SSBP3: variants seen among roughly 807,000 people sequenced by gnomAD.
The protein encoded by SSBP3 is single-stranded DNA-binding protein 3.
In SSBP3, 5 loss-of-function variants were observed where a neutral mutation model predicts 69.6. The ratio of observed to expected loss-of-function variants is 0.07; its 90% CI spans 0.04 to 0.15. The LOEUF (loss-of-function observed/expected upper bound fraction) is 0.15. Among genes scored for constraint, SSBP3 ranks in the 10% least tolerant of loss-of-function variants. The pLI is 1.00. For missense variants in SSBP3, 312 were observed against 534.0 expected (o/e 0.58, Z 4.10); for synonymous variants, 196 against 193.4 (o/e 1.01, Z -0.11).
chr1:54,244,457 G>A (rs1466935446), intron 9 of SSBP3, among the ~76,000 whole-genome samples: 2 of 151,370 alleles, frequency 1.3e-5, no homozygotes, highest in Non-Finnish European at 3.0e-5. Context: ...TCATTGCCCA[G>A]GCTGGTCTCG....
chr1:54,338,588 C>T (rs774190968), intron 4 of SSBP3, among the ~76,000 whole-genome samples: 1 of 152,172 alleles, frequency 6.6e-6, no homozygotes, highest in African/African-American at 2.4e-5. Flanking sequence ...TTTGCCTTTA[C>T]GGCAATATAT....
intron 1 of SSBP3, chr1:54,412,604 C>G (rs1650020427): frequency 6.6e-6 from 1 of 152,176 alleles, no homozygotes; most frequent in African/African-American, 2.4e-5. Context: ...TGAAAAAGAT[C>G]TGGAAATGGA....
chr1:54,231,597 C>G (rs766841899), intron 14 of SSBP3, among the ~76,000 whole-genome samples: 13 of 152,220 alleles, frequency 8.5e-5, no homozygotes, highest in Non-Finnish European at 1.0e-4. Flanking sequence ...CTTTGCTTAA[C>G]TCAGGTCATG....
intron 4 of SSBP3, among the ~76,000 whole-genome samples, chr1:54,293,920 T>C (rs1475239879): frequency 6.6e-6 from 1 of 152,034 alleles, no homozygotes. Flanking sequence ...GTGGATTACC[T>C]GAGGTCAGGA....
At position 54,282,074 on chromosome 1, in the gene SSBP3, A is replaced by AATAATAAT. The variant is rs1553130865; in HGVS notation, c.277-548_277-547insATTATTAT. Among the ~76,000 whole-genome samples the AATAATAAT allele has an allele frequency of 5.2e-3, 645 of 125,018 alleles. 5 individuals are homozygous for AATAATAAT. Among genetic ancestry groups the AATAATAAT allele is most frequent in the African/African-American group, 0.02 (606 of 31,032 alleles). 82.0% of individuals were successfully genotyped at this position (125,018 alleles called of 152,430 possible). A position where few individuals can be genotyped will look rare whatever the true frequency, so the allele number is the denominator to read the frequency against. ...ATAATAATAATAATAATAATAATAAAAAAATGGGGGGACAATGTCCACCAT... is the reference window on the plus strand; with the variant it reads ...ATAATAATAATAATAATAATAATAAAATAATAATAAAATGGGGGGACAATGTCCACCAT... On this transcript the variant is annotated intron_variant, in intron 4 of 17. Transcript: ENST00000610401.
At chr1:54,307,617 C>T (rs1557516926) in intron 4 of SSBP3, among the ~76,000 whole-genome samples, 1 of 152,154 alleles carries the variant, frequency 6.6e-6, no homozygotes, top group Non-Finnish European at 1.5e-5. Context: ...CATTCTAAGT[C>T]ACAGGATGAG....
chr1:54,382,910 A>AGGAGGC (rs1297690708), intron 4 of SSBP3, among the ~76,000 whole-genome samples: 1 of 145,472 alleles, frequency 6.9e-6, no homozygotes, highest in Non-Finnish European at 1.5e-5. Flanking sequence ...ACTTGAACCC[A>AGGAGGC]GGAGGCGGAG....
chr1:54,348,638 G>A (rs1265020031), intron 4 of SSBP3, among the ~76,000 whole-genome samples: 1 of 152,206 alleles, frequency 6.6e-6, no homozygotes, highest in Admixed American at 6.5e-5. Flanking sequence ...CCAAGGAGAT[G>A]GCTGGGCAGA....
At chr1:54,406,848 C>G (rs1649816798), upstream of SSBP3, among the ~76,000 whole-genome samples, 1 of 151,768 alleles carries the variant, frequency 6.6e-6, no homozygotes, top group Non-Finnish European at 1.5e-5. Context: ...CCTCAGCTCC[C>G]CCCCGCCGCG....
chr1:54,316,647 C>CA (rs1199647407), intron 4 of SSBP3, among the ~76,000 whole-genome samples: 1,345 of 34,016 alleles, frequency 0.04, 154 homozygotes, highest in African/African-American at 0.17. Flanking sequence ...GACTCCGTCT[C>CA]AAAAAAAAAA....
At chr1:54,345,628 A>G (rs1200400078) in intron 4 of SSBP3, among the ~76,000 whole-genome samples, 1 of 152,216 alleles carries the variant, frequency 6.6e-6, no homozygotes, top group African/African-American at 2.4e-5. Flanking sequence ...TGGTTTCCAC[A>G]GAAGTAACTA....
At chr1:54,360,371 A>T (rs994119890) in intron 4 of SSBP3, among the ~76,000 whole-genome samples, 1 of 152,242 alleles carries the variant, frequency 6.6e-6, no homozygotes, top group African/African-American at 2.4e-5. Context: ...CTGGCACACG[A>T]TAGGCACTCA....
intron 5 of SSBP3, among the ~76,000 whole-genome samples, chr1:54,270,725 G>A (rs577802438): frequency 1.3e-5 from 2 of 152,116 alleles, no homozygotes; most frequent in Non-Finnish European, 2.9e-5. Context: ...CTAAAGTCTC[G>A]AGAGCCAACC....
intron 5 of SSBP3, among the ~76,000 whole-genome samples, chr1:54,267,262 A>T (rs538306398): frequency 6.6e-6 from 1 of 152,200 alleles, no homozygotes; most frequent in Non-Finnish European, 1.5e-5. Flanking sequence ...ATGTATCCAT[A>T]CAACAGGGCA....
chr1:54,396,284 C>A (rs750913168), intron 4 of SSBP3, among the ~76,000 whole-genome samples: 4 of 151,558 alleles, frequency 2.6e-5, no homozygotes, highest in Non-Finnish European at 5.9e-5. Context: ...CTAAGAGCTC[C>A]CAGCAACATG....
chr1:54,292,577 C>T (rs1022838979), intron 4 of SSBP3, among the ~76,000 whole-genome samples: 6 of 152,142 alleles, frequency 3.9e-5, no homozygotes, highest in Non-Finnish European at 7.3e-5. Context: ...CCCTGCTGCC[C>T]TTCAAACCCC....
chr1:54,364,737 T>C (rs1647002834), intron 4 of SSBP3, among the ~76,000 whole-genome samples: 1 of 152,196 alleles, frequency 6.6e-6, no homozygotes, highest in Non-Finnish European at 1.5e-5. Context: ...CGTGTGCTAA[T>C]GATCAATCCT....
intron 4 of SSBP3, among the ~76,000 whole-genome samples, chr1:54,341,453 C>G (rs1646604876): frequency 6.6e-6 from 1 of 152,096 alleles, no homozygotes; most frequent in Admixed American, 6.5e-5. Flanking sequence ...CTTGCCTTCA[C>G]CCAAACTGCA....
At chr1:54,392,944 G>A (rs781461498) in intron 4 of SSBP3, among the ~76,000 whole-genome samples, 10 of 152,174 alleles carry the variant, frequency 6.6e-5, no homozygotes, top group African/African-American at 9.7e-5. Context: ...CATAGGAGTC[G>A]TCCTGGCAGG....
Sources: gnomAD v4.1 joint callset for allele counts (sites outside exome capture counted in the v4.1 genomes callset) on GRCh38, gnomAD v4.1.1 for gene constraint, MANE v1.5 for transcripts, NCBI Gene and HGNC (gene_info 2026-07-23, HGNC 2026-07-21) for gene names.